The following PSME3IP1 variants were observed in gnomAD, a reference collection of about 807,000 sequenced individuals.
The protein encoded by PSME3IP1 is PSME3-interacting protein.
In PSME3IP1, 13 loss-of-function variants were observed where a neutral mutation model predicts 34.1. The ratio of observed to expected loss-of-function variants is 0.38; its 90% CI spans 0.25 to 0.61. The LOEUF (loss-of-function observed/expected upper bound fraction) is 0.61. Among genes scored for constraint, PSME3IP1 ranks in the 20% least tolerant of loss-of-function variants. The pLI is 0.60. For synonymous variants in PSME3IP1, 93 were observed against 114.3 expected (o/e 0.81, Z 1.19); for missense variants, 237 against 301.4 (o/e 0.79, Z 1.58).
intron 4 of PSME3IP1, among the ~76,000 whole-genome samples, chr16:57,169,375 G>T (rs1464537230): frequency 6.6e-6 from 1 of 152,158 alleles, no homozygotes; most frequent in East Asian, 1.9e-4. Context: ...ATCAAGCAAA[G>T]CCTAGAAACA....
chr16:57,172,197 ATGC>A, intron 4 of PSME3IP1, 51 bp downstream of exon 4: 2 of 1,598,640 alleles, frequency 1.3e-6, no homozygotes, highest in Non-Finnish European at 1.7e-6. Flanking sequence ...ACATCCATAG[ATGC>A]TGATGAGAAA....
In PSME3IP1 at chr16:57,173,863, A is replaced by C; in HGVS notation, c.-9T>G. 2 of 1,610,524 alleles carry C rather than the reference A, an allele frequency of 1.2e-6. No individual in the cohort carries two copies. Among genetic ancestry groups the C allele is most frequent in the Non-Finnish European group, 1.7e-6 (2 of 1,178,826 alleles). On this transcript the variant is annotated 5_prime_UTR_variant, in exon 2 of 7. Coordinates refer to ENST00000309137, the MANE Select transcript of PSME3IP1 (RefSeq NM_024946.4). ...TCATCCCCTCCATCCATAATGAAAC[A>C]ACCAATCTACAAAACAAAAACAAAA...
intron 1 of PSME3IP1, among the ~76,000 whole-genome samples, chr16:57,184,771 T>G (rs573054556): frequency 1.3e-5 from 2 of 152,360 alleles, no homozygotes; most frequent in African/African-American, 4.8e-5. Context: ...ATTATTCCTT[T>G]CTTATATCAT....
intron 1 of PSME3IP1, 189 bp downstream of exon 1, chr16:57,185,632 C>T (rs1035119885): frequency 1.0e-6 from 1 of 985,486 alleles, no homozygotes; most frequent in African/African-American, 1.7e-5. Flanking sequence ...GATGCCTTCC[C>T]GCGGGCACCC....
intron 6 of PSME3IP1, among the ~76,000 whole-genome samples, chr16:57,162,735 T>C (rs1299656899): frequency 7.0e-6 from 1 of 143,834 alleles, no homozygotes; most frequent in Non-Finnish European, 1.5e-5. Flanking sequence ...AAAAAAAAAA[T>C]CAGTGAAGCT....
intron 5 of PSME3IP1, 135 bp downstream of exon 5, chr16:57,166,958 G>A (rs890224215): frequency 3.1e-5 from 29 of 944,084 alleles, no homozygotes; most frequent in Non-Finnish European, 4.5e-5. Context: ...TCTGGAAAGG[G>A]AGAGATAGGT....
intron 6 of PSME3IP1, among the ~76,000 whole-genome samples, chr16:57,162,790 CT>C (rs1265541049): frequency 6.6e-6 from 1 of 151,210 alleles, no homozygotes; most frequent in Admixed American, 6.6e-5. Flanking sequence ...CTGAATATTG[CT>C]TAAATTATCC....
At chr16:57,182,163 T>C (rs1024507440) in intron 1 of PSME3IP1, among the ~76,000 whole-genome samples, 7 of 152,130 alleles carry the variant, frequency 4.6e-5, no homozygotes, top group Non-Finnish European at 1.0e-4. Flanking sequence ...CTAATCATTT[T>C]GGAGATTTCA....
intron 4 of PSME3IP1, 24 bp from the exon 5 acceptor site, chr16:57,167,250 A>T (rs755214970): frequency 8.1e-6 from 13 of 1,614,138 alleles, no homozygotes; most frequent in Non-Finnish European, 1.0e-5. Flanking sequence ...TAAGGGTCAA[A>T]CTAAGCAAAA....
chr16:57,165,886 C>G (rs1186884780), intron 5 of PSME3IP1, among the ~76,000 whole-genome samples: 2 of 152,188 alleles, frequency 1.3e-5, no homozygotes, highest in African/African-American at 4.8e-5. Context: ...TCTGCGACCA[C>G]CAAGAGCAGT....
chr16:57,178,209 C>T (rs2073370978), intron 1 of PSME3IP1, among the ~76,000 whole-genome samples: 1 of 152,208 alleles, frequency 6.6e-6, no homozygotes, highest in Admixed American at 6.5e-5. Flanking sequence ...TTTGCTCAGG[C>T]TGTTCCCTCT....
chr16:57,179,555 T>C (rs78545927), intron 1 of PSME3IP1, among the ~76,000 whole-genome samples: 1,650 of 152,292 alleles, frequency 0.011, 34 homozygotes, highest in African/African-American at 0.038. Flanking sequence ...TATTCCTAAC[T>C]TGAAAAATGA....
Position 57,178,486 on chromosome 16 carries a change from G to A in PSME3IP1, c.-15-4617C>T, listed in dbSNP as rs946708681. The A allele has an allele frequency of 8.7e-5, 75 of 864,340 alleles. No homozygotes were observed. The African/African-American group carries it at 1.3e-3, about 15-fold the overall frequency. 53.5% of individuals were successfully genotyped at this position (864,340 alleles called of 1,614,324 possible). A position where few individuals can be genotyped will look rare whatever the true frequency, so the allele number is the denominator to read the frequency against. ...TAGCACAGTGTCTGGCATATATTAG[G>A]TATTCAAATACTTACTGAATAAACC... On this transcript the variant is annotated intron_variant, in intron 1 of 6. Coordinates refer to ENST00000309137, the MANE Select transcript of PSME3IP1 (RefSeq NM_024946.4).
chr16:57,185,690 C>T lies in PSME3IP1; in HGVS notation c.-16+131G>A, dbSNP rs114663500. 6,614 of 985,508 alleles carry T rather than the reference C, an allele frequency of 6.7e-3. 344 individuals carry two copies. The African/African-American group carries it at 0.1, about 15-fold the overall frequency. The allele number at this position is 985,508 out of a possible 1,614,324, so 61.0% of individuals were successfully genotyped here. The stretch of plus-strand genomic sequence containing the variant: ...CGCAAGCCCCAGGCTTCGGCTACTC[C>T]GGACAAGGAGCGGGTGCGCGGACTG... On this transcript the variant is annotated intron_variant, in intron 1 of 6. Coordinates refer to ENST00000309137, the MANE Select transcript of PSME3IP1 (RefSeq NM_024946.4).
intron 1 of PSME3IP1, among the ~76,000 whole-genome samples, chr16:57,180,280 T>A (rs1466881334): frequency 3.9e-5 from 6 of 152,224 alleles, no homozygotes; most frequent in African/African-American, 1.4e-4. Context: ...CTTTCAGGCA[T>A]CTATGAAACA....
In PSME3IP1 at chr16:57,186,012, A is replaced by G; in HGVS notation, c.-207T>C. ...GCTTTTGTATTTCTTTTGACCCTTC[A>G]GGGCTTCCTGTTCCTCACCGCCACA... On this transcript the variant is annotated 5_prime_UTR_variant, in exon 1 of 7. Transcript: ENST00000309137. 4 of 984,934 alleles carry G rather than the reference A, an allele frequency of 4.1e-6. No individual in the cohort carries two copies. The highest frequency in any genetic ancestry group is 3.6e-6 in the Non-Finnish European group (3 of 829,900). 61.0% of individuals were successfully genotyped at this position (984,934 alleles called of 1,614,324 possible).
At chr16:57,166,151 C>T (rs1214181723) in intron 5 of PSME3IP1, among the ~76,000 whole-genome samples, 1 of 152,224 alleles carries the variant, frequency 6.6e-6, no homozygotes, top group Non-Finnish European at 1.5e-5. Flanking sequence ...GTGTGCCAAA[C>T]CACAAGACTG....
At chr16:57,163,581 T>C (rs1255515926) in intron 6 of PSME3IP1, among the ~76,000 whole-genome samples, 1 of 152,236 alleles carries the variant, frequency 6.6e-6, no homozygotes, top group East Asian at 1.9e-4. Context: ...CTTGAGATTG[T>C]ATTAAGCTTC....
At chr16:57,172,932 T>A (rs1311142388) in intron 2 of PSME3IP1, 58 bp from the exon 3 acceptor site, 1 of 1,084,334 alleles carries the variant, frequency 9.2e-7, no homozygotes, top group African/African-American at 1.6e-5. Flanking sequence ...CACTTCAGAT[T>A]GTTTTCATAT....
Sources: allele counts gnomAD v4.1 joint callset (sites outside exome capture counted in the v4.1 genomes callset), GRCh38; gene constraint gnomAD v4.1.1; transcripts MANE v1.5; gene names NCBI Gene and HGNC (gene_info 2026-07-23, HGNC 2026-07-21).